The following MED15 variants were observed in gnomAD, a reference collection of about 807,000 sequenced individuals.
The protein encoded by MED15 is mediator complex subunit 15, also known as mediator of RNA polymerase II transcription subunit 15.
A neutral mutation model predicts 118.7 loss-of-function variants in MED15; 41 were observed. The observed-to-expected ratio is 0.35, with a 90% CI of 0.27 to 0.45. The LOEUF is 0.45. MED15 is among the 20% of genes least tolerant of loss of function. MED15 has a pLI of 1.00. For missense variants in MED15, 740 were observed against 1,025.5 expected (o/e 0.72, Z 3.80); for synonymous variants, 436 against 413.9 (o/e 1.05, Z -0.65).
chr22:20,540,892 T>TCAACAA (rs34408752), intron 2 of MED15, among the ~76,000 whole-genome samples: 331 of 149,984 alleles, frequency 2.2e-3, no homozygotes, highest in African/African-American at 4.6e-3. Flanking sequence ...CTCCTACAAC[T>TCAACAA]CAACAACAAC....
chr22:20,557,695 T>C (rs1007294787), intron 5 of MED15, among the ~76,000 whole-genome samples: 1 of 152,240 alleles, frequency 6.6e-6, no homozygotes, highest in African/African-American at 2.4e-5. Flanking sequence ...CAGTTCTTTG[T>C]CAGAAGTTCA....
chr22:20,566,346 G>C (rs905142276), intron 6 of MED15, 121 bp from the exon 7 acceptor site: 3 of 1,524,010 alleles, frequency 2.0e-6, no homozygotes, highest in Non-Finnish European at 1.8e-6. Flanking sequence ...AGCCAGGAAG[G>C]CTTTCTTGAT....
At chr22:20,580,409 A>T (rs2056947329) in intron 9 of MED15, among the ~76,000 whole-genome samples, 1 of 152,168 alleles carries the variant, frequency 6.6e-6, no homozygotes, top group South Asian at 2.1e-4. Flanking sequence ...AGGCCACAGA[A>T]AAGAGCTGAC....
chr22:20,532,609 C>T (rs1037486934), intron 1 of MED15, among the ~76,000 whole-genome samples: 13 of 152,286 alleles, frequency 8.5e-5, no homozygotes, highest in African/African-American at 3.1e-4. Context: ...TGCTCTGAGC[C>T]GGTAACAGTC....
rs1165450589 is a variant in MED15, at chr22:20,507,614, C to T, written c.-65C>T. On this transcript the variant is annotated 5_prime_UTR_variant, in exon 1 of 18. Coordinates refer to ENST00000263205, the MANE Select transcript of MED15 (RefSeq NM_001003891.3). ...ACGGCTTCCGGGTTTGGGCCTGGCTCTGTGACTGAGGCGGCGGCGGTGGCG... is the reference window on the plus strand; with the variant it reads ...ACGGCTTCCGGGTTTGGGCCTGGCTTTGTGACTGAGGCGGCGGCGGTGGCG... 1.0e-5 allele frequency: 16 copies of T among 1,604,456 alleles called. No individual in the cohort carries two copies. The Admixed American group carries it at 2.2e-4, about 22-fold the overall frequency.
intron 6 of MED15, among the ~76,000 whole-genome samples, chr22:20,566,228 C>T (rs1159032263): frequency 1.3e-5 from 2 of 151,822 alleles, no homozygotes; most frequent in Non-Finnish European, 2.9e-5. Context: ...TTAGTAGAGA[C>T]GGGGTTTCGC....
rs533674989 is a variant in MED15 at position 20,567,943 on chromosome 22, G to A, written c.1042-578G>A. Among the ~76,000 whole-genome samples the A allele has an allele frequency of 9.2e-5, 14 of 152,150 alleles. No individual in the cohort carries two copies. In the East Asian group the frequency reaches 1.9e-3, roughly 21 times the overall value. Reference sequence around the variant, plus strand: ...TGTGATCAGACCTCCCTGCTCAAGCGATTCTCCCACCTCAGCCTCCCAAGT... The same window carrying A: ...TGTGATCAGACCTCCCTGCTCAAGCAATTCTCCCACCTCAGCCTCCCAAGT... On this transcript the variant is annotated intron_variant, in intron 7 of 17. Transcript: ENST00000263205.
chr22:20,554,884 G>T, intron 4 of MED15, 52 bp from the exon 5 acceptor site: 1 of 1,519,554 alleles, frequency 6.6e-7, no homozygotes, highest in Non-Finnish European at 8.9e-7. Flanking sequence ...TTTGAGCCAT[G>T]GTCAGTCTGG....
chr22:20,518,015 AC>A (rs775559029), intron 1 of MED15, among the ~76,000 whole-genome samples: 7 of 130,820 alleles, frequency 5.4e-5, no homozygotes, highest in Non-Finnish European at 3.3e-5. Context: ...AAACAGACCA[AC>A]AGTGGGAGCT....
intron 9 of MED15, among the ~76,000 whole-genome samples, chr22:20,580,551 C>T (rs1485736509): frequency 6.6e-6 from 1 of 152,030 alleles, no homozygotes; most frequent in Non-Finnish European, 1.5e-5. Flanking sequence ...TTCTGGGGTG[C>T]AGGTAGAGAG....
chr22:20,548,565 C>G (rs1031773477), intron 2 of MED15, among the ~76,000 whole-genome samples: 1 of 152,224 alleles, frequency 6.6e-6, no homozygotes, highest in African/African-American at 2.4e-5. Context: ...CAGCCCAGTT[C>G]CTGATACTTG....
At chr22:20,544,445 C>G (rs2055442563) in intron 2 of MED15, among the ~76,000 whole-genome samples, 2 of 152,108 alleles carry the variant, frequency 1.3e-5, no homozygotes, top group South Asian at 2.1e-4. Context: ...GCGGGCAGAT[C>G]ACAAGATCAG....
At chr22:20,554,830 A>T (rs1403067088) in intron 4 of MED15, 106 bp from the exon 5 acceptor site, 2 of 1,112,592 alleles carry the variant, frequency 1.8e-6, no homozygotes, top group Non-Finnish European at 2.6e-6. Flanking sequence ...GAGGGGATTG[A>T]GCCTGTAGGT....
At chr22:20,582,321 T>C in intron 9 of MED15, 1 of 522,716 alleles carries the variant, frequency 1.9e-6, no homozygotes, top group South Asian at 2.3e-5. Context: ...ACTGCCCTTT[T>C]CCTCACACTC....
chr22:20,508,468 C>T, intron 1 of MED15: 2 of 1,242,838 alleles, frequency 1.6e-6, no homozygotes, highest in Non-Finnish European at 2.1e-6. Context: ...CTGTTTATTT[C>T]ACCTGGGTGC....
intron 5 of MED15, among the ~76,000 whole-genome samples, chr22:20,560,412 G>A (rs140903829): frequency 0.058 from 8,835 of 152,106 alleles, 583 homozygotes; most frequent in East Asian, 0.35. Context: ...CTACAGGCGC[G>A]CGCCACTACG....
intron 2 of MED15, chr22:20,551,159 C>G: frequency 1.6e-6 from 1 of 621,284 alleles, no homozygotes; most frequent in Non-Finnish European, 3.1e-6. Context: ...TGGCTCCCAG[C>G]TCTCTCAGCT....
intron 9 of MED15, among the ~76,000 whole-genome samples, chr22:20,581,408 T>C (rs1254786936): frequency 6.6e-6 from 1 of 152,050 alleles, no homozygotes; most frequent in Non-Finnish European, 1.5e-5. Context: ...GTGGTGGAAG[T>C]GCTTGGGGGG....
chr22:20,573,074 T>C (rs1046788131), intron 8 of MED15, among the ~76,000 whole-genome samples: 2 of 151,982 alleles, frequency 1.3e-5, no homozygotes, highest in African/African-American at 4.8e-5. Context: ...GTTCAAGGGA[T>C]TCTCCTGCCT....
Sources: gnomAD v4.1 joint callset for allele counts (sites outside exome capture counted in the v4.1 genomes callset) on GRCh38, gnomAD v4.1.1 for gene constraint, MANE v1.5 for transcripts, NCBI Gene and HGNC (gene_info 2026-07-23, HGNC 2026-07-21) for gene names.